Variants in TBC1D32 observed in about 807,000 individuals in gnomAD.
The protein encoded by TBC1D32 is protein broad-minded.
In TBC1D32, 151 loss-of-function variants were observed where a neutral mutation model predicts 170.3. That is an observed-to-expected ratio of 0.89 (90% CI 0.78 to 1.01). TBC1D32 has a LOEUF of 1.01. Ranked by LOEUF, TBC1D32 falls within the 50% of genes least tolerant of loss-of-function variation. The pLI is 0.00. For synonymous variants in TBC1D32, 498 were observed against 488.0 expected (o/e 1.02, Z -0.27); for missense variants, 1,464 against 1,457.1 (o/e 1.00, Z -0.08).
At chr6:121,304,290 T>A in intron 8 of TBC1D32, 75 bp downstream of exon 8, 1 of 1,370,934 alleles carries the variant, frequency 7.3e-7, no homozygotes, top group South Asian at 1.3e-5. Flanking sequence ...CTGTCTTTAC[T>A]CTTTCTGTCT....
intron 1 of TBC1D32, among the ~76,000 whole-genome samples, chr6:121,330,223 A>T (rs1435851778): frequency 6.6e-6 from 1 of 152,044 alleles, no homozygotes; most frequent in East Asian, 1.9e-4. Flanking sequence ...TTGTAGAGAC[A>T]GGGTTTTGCC....
At chr6:121,314,396 T>G (rs1808646115) in intron 3 of TBC1D32, among the ~76,000 whole-genome samples, 1 of 152,178 alleles carries the variant, frequency 6.6e-6, no homozygotes, top group Non-Finnish European at 1.5e-5. Context: ...TGTTCACAAG[T>G]TCTAGGGATT....
intron 22 of TBC1D32, among the ~76,000 whole-genome samples, chr6:121,186,475 C>G (rs548996174): frequency 3.4e-4 from 52 of 151,948 alleles, no homozygotes; most frequent in African/African-American, 1.2e-3. Context: ...GCATCCTAAC[C>G]AGTGGGGTTG....
intron 22 of TBC1D32, among the ~76,000 whole-genome samples, chr6:121,194,255 C>T (rs541257887): frequency 6.6e-6 from 1 of 152,212 alleles, no homozygotes; most frequent in Non-Finnish European, 1.5e-5. Context: ...CATAGACATA[C>T]TTAGAAGCTG....
At chr6:121,262,935 T>C (rs966113669) in intron 15 of TBC1D32, among the ~76,000 whole-genome samples, 1 of 151,460 alleles carries the variant, frequency 6.6e-6, no homozygotes, top group Non-Finnish European at 1.5e-5. Context: ...AAGCACTAAA[T>C]AGGGAGAGGA....
At chr6:121,134,892 G>C (rs774713745) in intron 24 of TBC1D32, among the ~76,000 whole-genome samples, 4 of 152,020 alleles carry the variant, frequency 2.6e-5, no homozygotes, top group Non-Finnish European at 5.9e-5. Context: ...CTGCCACATG[G>C]CCTTCTAGAT....
Position 121,090,839 on chromosome 6 carries a change from A to G in TBC1D32, c.3654+14T>C. ...ATTAACTCAACATTTTCCTCTCCAT[A>G]TAAACATACTTACTTTTAGGAAAAC... On this transcript the variant is annotated intron_variant, in intron 31 of 31. Transcript: ENST00000398212. The G allele has an allele frequency of 1.2e-6, 2 of 1,603,936 alleles. No individual in the cohort carries two copies. The highest frequency in any genetic ancestry group is 1.7e-6 in the Non-Finnish European group (2 of 1,177,122).
chr6:121,147,476 ATC>A lies in TBC1D32; in HGVS notation c.2773+12532_2773+12533del, dbSNP rs528169185. 2.0e-4 allele frequency among the ~76,000 whole-genome samples: 30 copies of A among 152,262 alleles called. 2 individuals are homozygous for A. The South Asian group carries it at 5.6e-3, about 28-fold the overall frequency. On this transcript the variant is annotated intron_variant, in intron 24 of 31. Coordinates refer to ENST00000398212, the MANE Select transcript of TBC1D32 (RefSeq NM_152730.6). ...CTCTTTTCTCGGAAGCCCTGCCAAC[ATC>A]TGTTATTTTTTGACTTTTAAATTAT...
chr6:121,312,050 T>C (rs1808291149), intron 3 of TBC1D32, among the ~76,000 whole-genome samples: 1 of 152,196 alleles, frequency 6.6e-6, no homozygotes, highest in South Asian at 2.1e-4. Context: ...TAATGTCCTT[T>C]GCAGGGACTT....
intron 24 of TBC1D32, among the ~76,000 whole-genome samples, chr6:121,157,326 C>T (rs4946544): frequency 0.025 from 3,764 of 152,234 alleles, 167 homozygotes; most frequent in East Asian, 0.13. Context: ...ACAAGAACTG[C>T]AACACCTGCT....
rs754394746 is a variant in TBC1D32, at chr6:121,161,010, C to T, written c.2617G>A (p.Val873Ile). The change falls in exon 23 of 32, where the codon GTT becomes ATT. Residue 873 changes from valine (V) to isoleucine (I), a missense_variant. Val to Ile is a conservative substitution (Grantham distance 29). This residue lies in a region of TBC1D32 where 1,363 missense variants were observed against 1,338.1 expected (regional missense o/e 1.02). Transcript: ENST00000398212. ...GLSVERNHVLVRINLVGGPLE... is the reference protein window; with the variant it reads ...GLSVERNHVLIRINLVGGPLE... Reference sequence around the variant, plus strand: ...GGCCCACCAACAAGATTTATTCTAACAAGAACATGATTTCTCTCCACTGAT... The same window carrying T: ...GGCCCACCAACAAGATTTATTCTAATAAGAACATGATTTCTCTCCACTGAT... The T allele has an allele frequency of 1.8e-5, 29 of 1,613,608 alleles. No individual in the cohort carries two copies. Among genetic ancestry groups the T allele is most frequent in the Middle Eastern group, 1.7e-4 (1 of 6,060 alleles).
chr6:121,241,061 T>C lies in TBC1D32; in HGVS notation c.2245+404A>G, dbSNP rs1445546642. Among the ~76,000 whole-genome samples the C allele has an allele frequency of 1.2e-4, 18 of 152,178 alleles. 1 individual carries two copies. The highest frequency in any genetic ancestry group is 1.2e-3 in the Admixed American group (18 of 15,264). ...AGGGAATTAGGAAATGTTATGTAAA[T>C]GAGTGTAAATTTTGAAGCATATGTA... On this transcript the variant is annotated intron_variant, in intron 19 of 31. Coordinates refer to ENST00000398212, the MANE Select transcript of TBC1D32 (RefSeq NM_152730.6).
chr6:121,136,504 G>C (rs1782095023), intron 24 of TBC1D32, among the ~76,000 whole-genome samples: 1 of 152,050 alleles, frequency 6.6e-6, no homozygotes, highest in Non-Finnish European at 1.5e-5. Flanking sequence ...TTGGAGCCAG[G>C]GAGGCTGCTA....
At chr6:121,190,500 C>G (rs999542074) in intron 22 of TBC1D32, among the ~76,000 whole-genome samples, 9 of 151,490 alleles carry the variant, frequency 5.9e-5, no homozygotes, top group African/African-American at 1.9e-4. Context: ...ATCATCTTCC[C>G]GCCTCTAATT....
chr6:121,177,242 A>G (rs963137523), intron 22 of TBC1D32, among the ~76,000 whole-genome samples: 1 of 152,096 alleles, frequency 6.6e-6, no homozygotes, highest in Admixed American at 6.6e-5. Flanking sequence ...TCAATGGTTT[A>G]GCACCATCCC....
At chr6:121,081,255 T>C (rs1036469720) in intron 31 of TBC1D32, among the ~76,000 whole-genome samples, 2 of 152,174 alleles carry the variant, frequency 1.3e-5, no homozygotes, top group Admixed American at 6.5e-5. Context: ...AAGGATACTA[T>C]AATAGTGCAA....
At chr6:121,301,784 C>CT (rs1003401685) in intron 9 of TBC1D32, among the ~76,000 whole-genome samples, 80 of 151,676 alleles carry the variant, frequency 5.3e-4, no homozygotes, top group Middle Eastern at 3.4e-3. Context: ...TATTGTTTTT[C>CT]TTTTTTTTCC....
chr6:121,228,011 C>A (rs1387382637), intron 20 of TBC1D32, among the ~76,000 whole-genome samples: 2 of 151,864 alleles, frequency 1.3e-5, no homozygotes, highest in Non-Finnish European at 2.9e-5. Flanking sequence ...TTTTGGTAAC[C>A]CTACTTTTAA....
In TBC1D32 at chr6:121,334,240, T is replaced by C. The variant is rs371889556; in HGVS notation, c.155+36A>G. 9 of 1,588,992 alleles carry C rather than the reference T, an allele frequency of 5.7e-6. No homozygotes were observed. In the East Asian group the frequency reaches 1.1e-4, roughly 20 times the overall value. On this transcript the variant is annotated intron_variant, in intron 1 of 31. Transcript: ENST00000398212. ...CTTCTCTGGACCCTCTCTGGATCGATGGTTTATAGGCTTAAAACATCAAAA... is the reference window on the plus strand; with the variant it reads ...CTTCTCTGGACCCTCTCTGGATCGACGGTTTATAGGCTTAAAACATCAAAA...
Sources: allele counts gnomAD v4.1 joint callset (sites outside exome capture counted in the v4.1 genomes callset), GRCh38; gene constraint gnomAD v4.1.1; regional missense constraint gnomAD v4.1.1; transcripts MANE v1.5; gene names NCBI Gene and HGNC (gene_info 2026-07-23, HGNC 2026-07-21).